Variants in INSL6 observed in about 807,000 individuals in gnomAD.
INSL6 encodes the protein insulin-like peptide INSL6.
A neutral mutation model predicts 9.4 loss-of-function variants in INSL6; 16 were observed. The ratio of observed to expected loss-of-function variants is 1.70; its 90% CI spans 1.15 to 2.59. INSL6 has a LOEUF of 2.59. Among genes scored for constraint, INSL6 ranks in the 30% most tolerant of loss-of-function variants. The pLI, the probability that INSL6 is intolerant of heterozygous loss-of-function variation, is 0.00. For synonymous variants in INSL6, 154 were observed against 96.9 expected (o/e 1.59, Z -3.46); for missense variants, 391 against 257.3 (o/e 1.52, Z -3.56).
At chr9:5,081,988 C>T in the INSL6 span, 4 of 764,924 alleles carry the variant, frequency 5.2e-6, no homozygotes, top group African/African-American at 3.5e-5. Flanking sequence ...GTTTGGTTGT[C>T]AGATGTTGGA....
the INSL6 span, among the ~76,000 whole-genome samples, chr9:5,050,450 T>C: frequency 2.8e-3 from 430 of 152,248 alleles, no homozygotes; most frequent in African/African-American, 0.01. Context: ...TTTAAATTTT[T>C]TGTGGAGATG....
chr9:5,110,871 G>C, the INSL6 span: 1 of 512,250 alleles, frequency 2.0e-6, no homozygotes, highest in East Asian at 4.8e-5. Context: ...GCCGCGCCCA[G>C]CAGGGTTTCC....
At chr9:5,176,523 CA>C (rs1351036186) in intron 1 of INSL6, among the ~76,000 whole-genome samples, 2 of 151,928 alleles carry the variant, frequency 1.3e-5, no homozygotes, top group Non-Finnish European at 2.9e-5. Flanking sequence ...AAGAAAAAAT[CA>C]TAAGACTAAG....
the INSL6 span, among the ~76,000 whole-genome samples, chr9:5,082,941 A>G: frequency 6.6e-6 from 1 of 152,196 alleles, no homozygotes; most frequent in Non-Finnish European, 1.5e-5. Context: ...GGAATTTCTT[A>G]TGTCTTCCTT....
intron 3 of INSL6, among the ~76,000 whole-genome samples, chr9:5,130,424 T>C (rs1017379174): frequency 9.2e-5 from 14 of 152,314 alleles, no homozygotes; most frequent in African/African-American, 3.4e-4. Context: ...GGAAAAATGG[T>C]AGAGCAGGCA....
At chr9:5,112,249 C>G in the INSL6 span, 3 of 260,324 alleles carry the variant, frequency 1.2e-5, no homozygotes, top group Non-Finnish European at 2.3e-5. Context: ...GAGGCGAACA[C>G]CCTGAGGACG....
intron 2 of INSL6, among the ~76,000 whole-genome samples, chr9:5,142,121 C>T (rs2130887609): frequency 6.6e-6 from 1 of 152,184 alleles, no homozygotes; most frequent in Non-Finnish European, 1.5e-5. Context: ...TACTATGGCC[C>T]TTTAGTGCAG....
the INSL6 span, among the ~76,000 whole-genome samples, chr9:5,001,646 G>A: frequency 2.1e-5 from 3 of 145,876 alleles, no homozygotes; most frequent in Non-Finnish European, 4.5e-5. Flanking sequence ...TTTTTATGAT[G>A]TGTTTTTGCC....
chr9:5,029,984 A>G, the INSL6 span: 6 of 1,322,102 alleles, frequency 4.5e-6, no homozygotes, highest in Admixed American at 4.5e-5. Context: ...TTTAATTGCA[A>G]GGTACTTAAT....
At chr9:5,180,208 T>C in intron 1 of INSL6, among the ~76,000 whole-genome samples, 1 of 152,236 alleles carries the variant, frequency 6.6e-6, no homozygotes, top group East Asian at 1.9e-4. Flanking sequence ...CTTAATCCTG[T>C]TATCTTCGTA....
At chr9:5,078,523 C>A in the INSL6 span, 1 of 1,054,074 alleles carries the variant, frequency 9.5e-7, no homozygotes, top group Non-Finnish European at 1.4e-6. Context: ...GTTAATTTTC[C>A]TTGAATTCCA....
the INSL6 span, among the ~76,000 whole-genome samples, chr9:5,063,092 G>T: frequency 6.6e-6 from 1 of 152,044 alleles, no homozygotes; most frequent in South Asian, 2.1e-4. Context: ...TCACATGCTT[G>T]TCTCTTTATT....
In INSL6 at chr9:5,152,203, T is replaced by A. The variant is rs11792531; in HGVS notation, c.376+11976A>T. 3.3e-5 allele frequency among the ~76,000 whole-genome samples: 5 copies of A among 151,986 alleles called. No homozygotes were observed. In the South Asian group the frequency reaches 1.0e-3, roughly 32 times the overall value. On this transcript the variant is annotated intron_variant, in intron 2 of 3. Coordinates refer to the INSL6 transcript ENST00000649639. ...CAAGAAAGCAAGATCAGTAAAGACA[T>A]AGAACAATGAATAACACTGTCAACT...
At chr9:4,997,187 C>T in the INSL6 span, among the ~76,000 whole-genome samples, 3 of 152,096 alleles carry the variant, frequency 2.0e-5, no homozygotes, top group Non-Finnish European at 4.4e-5. Flanking sequence ...CTGCATCAGC[C>T]TCCCAAAGTG....
chr9:5,130,824 G>C (rs1035920108), intron 3 of INSL6, among the ~76,000 whole-genome samples: 3 of 151,232 alleles, frequency 2.0e-5, no homozygotes, highest in Admixed American at 1.3e-4. Flanking sequence ...CGCCTCCCGG[G>C]TTCATGCCAT....
At chr9:5,042,814 C>T in the INSL6 span, among the ~76,000 whole-genome samples, 2 of 152,184 alleles carry the variant, frequency 1.3e-5, no homozygotes, top group Non-Finnish European at 2.9e-5. Flanking sequence ...GGTGGGGCCG[C>T]GGCTGAAGCC....
At chr9:5,050,625 T>C in the INSL6 span, 6 of 1,460,816 alleles carry the variant, frequency 4.1e-6, no homozygotes, top group South Asian at 5.9e-5. Flanking sequence ...AATATAATCA[T>C]AGATTAAAAC....
chr9:5,028,797 C>T, the INSL6 span, among the ~76,000 whole-genome samples: 1 of 152,194 alleles, frequency 6.6e-6, no homozygotes, highest in Non-Finnish European at 1.5e-5. Context: ...AGCTTCCTCA[C>T]CTCTCTCAGC....
the INSL6 span, among the ~76,000 whole-genome samples, chr9:5,047,262 A>G: frequency 6.6e-6 from 1 of 152,240 alleles, no homozygotes; most frequent in African/African-American, 2.4e-5. Flanking sequence ...AGAGTGTAAG[A>G]ATATCTTGAC....
Sources: allele counts gnomAD v4.1 joint callset (sites outside exome capture counted in the v4.1 genomes callset), GRCh38; gene constraint gnomAD v4.1.1; transcripts MANE v1.5; gene names NCBI Gene and HGNC (gene_info 2026-07-23, HGNC 2026-07-21).